Variants in IFT172 observed in about 807,000 individuals in gnomAD.
The protein encoded by IFT172 is intraflagellar transport protein 172 homolog.
In IFT172, 164 loss-of-function variants were observed where a neutral mutation model predicts 248.9. The ratio of observed to expected loss-of-function variants is 0.66; its 90% CI spans 0.58 to 0.75. IFT172 has a LOEUF of 0.75. Among genes scored for constraint, IFT172 ranks in the 30% least tolerant of loss-of-function variants. IFT172 has a pLI of 0.00. For synonymous variants in IFT172, 729 were observed against 791.6 expected (o/e 0.92, Z 1.33); for missense variants, 1,950 against 2,192.4 (o/e 0.89, Z 2.21).
chr2:27,451,904 T>C (rs1364639331), intron 35 of IFT172, among the ~76,000 whole-genome samples: 1 of 151,984 alleles, frequency 6.6e-6, no homozygotes, highest in Non-Finnish European at 1.5e-5. Context: ...CACATTTCAC[T>C]GTATCTAAGG....
At position 27,489,681 on chromosome 2, in the gene IFT172, T is replaced by C. The variant is rs540112628; in HGVS notation, c.-28A>G. Reference sequence around the variant, plus strand: ...CGCACACCTGTCTTTCAGATGCTCCTAGACAGCGACAACTCCCGTGGTTAC... The same window carrying C: ...CGCACACCTGTCTTTCAGATGCTCCCAGACAGCGACAACTCCCGTGGTTAC... On this transcript the variant is annotated 5_prime_UTR_variant, in exon 1 of 48. Coordinates refer to ENST00000260570, the MANE Select transcript of IFT172 (RefSeq NM_015662.3). 52 of 1,593,384 alleles carry C rather than the reference T, an allele frequency of 3.3e-5. 1 individual carries two copies. Among genetic ancestry groups the C allele is most frequent in the African/African-American group, 1.9e-4 (14 of 74,478 alleles).
intron 1 of IFT172, among the ~76,000 whole-genome samples, chr2:27,488,052 G>A (rs1443580638): frequency 6.6e-6 from 1 of 152,094 alleles, no homozygotes; most frequent in Non-Finnish European, 1.5e-5. Context: ...GTGTGATCAC[G>A]TCTCACTGCA....
chr2:27,445,070 G>C lies in IFT172; in HGVS notation c.5104C>G (p.Arg1702Gly). The C allele has an allele frequency of 6.2e-7, 1 of 1,613,972 alleles. No homozygotes were observed. Among genetic ancestry groups the C allele is most frequent in the East Asian group, 2.2e-5 (1 of 44,884 alleles). Residue 1702 changes from arginine (R) to glycine (G), a missense_variant, in exon 47 of 48, where the codon CGG becomes GGG. Coordinates refer to ENST00000260570, the MANE Select transcript of IFT172 (RefSeq NM_015662.3). The surrounding 1 kb of genome is among the most constrained non-coding windows in gnomAD (Gnocchi z 4.4). ...PILRNKIEFK[R>G]PGKAANKDNW... ...TCCTTGTTAGCAGCCTTCCCTGGCC[G>C]CTTAAATTCAATTTTGTTCCTCAGA...
In IFT172 at chr2:27,489,720, C is replaced by A. The variant is rs1669041835; in HGVS notation, c.-67G>T. 1 of 1,273,520 alleles carries A rather than the reference C, an allele frequency of 7.9e-7. No individual in the cohort carries two copies. Among genetic ancestry groups the A allele is most frequent in the East Asian group, 2.4e-5 (1 of 42,046 alleles). 78.9% of individuals were successfully genotyped at this position (1,273,520 alleles called of 1,614,324 possible). ...TCCCGTGGTTACCTGGACAACCCGCCACGCAGCCGCAGCGACAGGCACTGA... is the reference window on the plus strand; with the variant it reads ...TCCCGTGGTTACCTGGACAACCCGCAACGCAGCCGCAGCGACAGGCACTGA... On this transcript the variant is annotated 5_prime_UTR_variant, in exon 1 of 48. Transcript: ENST00000260570.
At position 27,453,649 on chromosome 2, in the gene IFT172, C is replaced by G. The variant is rs749289347; in HGVS notation, c.3802G>C (p.Ala1268Pro). ...EALQEEYERE[A>P]TKKGARGVEG... ...TCATACCTGGCCCCCTTCTTAGTAG[C>G]TTCCCGCTCATATTCTTCCTGCAGA... is the stretch of plus-strand genomic sequence containing the variant. Residue 1268 changes from alanine to proline, a missense_variant, in exon 34 of 48, where the codon GCT (alanine) becomes CCT (proline). Physicochemically the swap from Ala to Pro is conservative, Grantham distance 27. Transcript: ENST00000260570. 1.9e-6 allele frequency: 3 copies of G among 1,612,072 alleles called. No individual in the cohort carries two copies. Among genetic ancestry groups the G allele is most frequent in the Non-Finnish European group, 2.5e-6 (3 of 1,179,230 alleles).
chr2:27,470,890 T>C, intron 16 of IFT172, 38 bp downstream of exon 16: 3 of 1,535,922 alleles, frequency 2.0e-6, no homozygotes, highest in Non-Finnish European at 2.6e-6. Flanking sequence ...ATTAATCAGC[T>C]CAATACCACA....
chr2:27,488,850 C>G (rs796814459), intron 1 of IFT172, among the ~76,000 whole-genome samples: 15 of 152,250 alleles, frequency 9.9e-5, no homozygotes, highest in African/African-American at 3.6e-4. Flanking sequence ...GAAACCTCGT[C>G]TCTACAAAAA....
rs373421077 is a variant in IFT172 at position 27,445,125 on chromosome 2, G to A, written c.5069-20C>T. Reference sequence around the variant, plus strand: ...GGTATCCTGTGGAGGAAGAAAAAATGATGAACTGGGGTTTGAGAGAGATTG... The same window carrying A: ...GGTATCCTGTGGAGGAAGAAAAAATAATGAACTGGGGTTTGAGAGAGATTG... On this transcript the variant is annotated intron_variant, in intron 46 of 47. Coordinates refer to ENST00000260570, the MANE Select transcript of IFT172 (RefSeq NM_015662.3). This position sits in a 1 kb window ranked among gnomAD's most constrained non-coding sequence, Gnocchi z 4.4. 52 of 1,613,252 alleles carry A rather than the reference G, an allele frequency of 3.2e-5. No individual in the cohort carries two copies. The highest frequency in any genetic ancestry group is 4.3e-5 in the Non-Finnish European group (51 of 1,179,730).
At chr2:27,480,209 G>C (rs564641991) in intron 8 of IFT172, 60 bp from the exon 9 acceptor site, 1 of 1,535,860 alleles carries the variant, frequency 6.5e-7, no homozygotes, top group Non-Finnish European at 8.7e-7. Context: ...GTGCAAATGG[G>C]CTGATAACCA....
In IFT172 at chr2:27,477,951, C is replaced by T. The variant is rs758444275; in HGVS notation, c.1167+44G>A. ...TTTTGGGTCCCCACAAATATTAAGC[C>T]AAGATGCCCTATTCCCCACCCTACC... On this transcript the variant is annotated intron_variant, in intron 11 of 47. Coordinates refer to ENST00000260570, the MANE Select transcript of IFT172 (RefSeq NM_015662.3). 29 of 1,609,446 alleles carry T rather than the reference C, an allele frequency of 1.8e-5. No individual in the cohort carries two copies. In the Middle Eastern group the frequency reaches 5.1e-4, roughly 28 times the overall value.
intron 15 of IFT172, chr2:27,471,305 C>T (rs1215277740): frequency 1.6e-5 from 7 of 424,312 alleles, no homozygotes; most frequent in African/African-American, 1.2e-4. Context: ...AGATCTACAT[C>T]CCAGGAATTT....
chr2:27,471,034 A>G lies in IFT172; in HGVS notation c.1586T>C (p.Met529Thr). ...KTMILNFCSY[M>T]QWVPGSDVLV... is the part of the protein sequence containing the mutation. ...CACGTCACTTCCTGGGACCCACTGC[A>G]TATAGGAGCAGAAGTTGAGGATCAT... The change falls in exon 16 of 48, where the codon ATG becomes ACG. Residue 529 changes from methionine (M) to threonine (T), a missense_variant. Transcript: ENST00000260570. 1 of 1,613,986 alleles carries G rather than the reference A, an allele frequency of 6.2e-7. No homozygotes were observed. The highest frequency in any genetic ancestry group is 1.1e-5 in the South Asian group (1 of 91,040).
In IFT172 at chr2:27,450,010, T is replaced by C. The variant is rs763200854; in HGVS notation, c.4038A>G (p.Gly1346=). 5.6e-6 allele frequency: 9 copies of C among 1,613,666 alleles called. No individual in the cohort carries two copies. Among genetic ancestry groups the C allele is most frequent in the Non-Finnish European group, 7.6e-6 (9 of 1,179,532 alleles). ...GCATCCTACTTACTGCACTGTGCTT[T>C]CCAATTCCAATCAGCTGGGGTCCTA... The part of the protein sequence containing the change: ...LAVGPQLIGI[G]KHSAAAELYL... The change falls in exon 36 of 48, where the codon GGA becomes GGG. Residue 1346 remains glycine, a synonymous_variant. Transcript: ENST00000260570.
At chr2:27,484,610 A>C (rs941958298) in intron 3 of IFT172, among the ~76,000 whole-genome samples, 3 of 152,094 alleles carry the variant, frequency 2.0e-5, no homozygotes, top group African/African-American at 7.2e-5. Context: ...AAATAAATAA[A>C]TACCACTTCC....
chr2:27,444,919 G>A (rs1664912275), intron 47 of IFT172, 95 bp downstream of exon 47: 1 of 1,364,902 alleles, frequency 7.3e-7, no homozygotes, highest in African/African-American at 1.5e-5. Flanking sequence ...AAAGTGCTGG[G>A]ATTAAAGGTA....
rs1291146713 is a variant in IFT172, at chr2:27,479,567, C to T, written c.947G>A (p.Cys316Tyr). 1 of 1,613,446 alleles carries T rather than the reference C, an allele frequency of 6.2e-7. No homozygotes were observed. The highest frequency in any genetic ancestry group is 1.1e-5 in the South Asian group (1 of 91,074). Residue 316 changes from cysteine (C) to tyrosine (Y), a missense_variant, in exon 10 of 48, where the codon TGC becomes TAC. Cys to Tyr is a radical substitution (Grantham distance 194). Transcript: ENST00000260570. ...GTTCTTGTAAATACTCCTTCGGAGG[C>T]AGCAGTCAAACTGTTCCACCCCACC... Reference protein sequence around the residue: ...LCGGVEQFDCCLRRSIYKNKF... With the variant: ...LCGGVEQFDCYLRRSIYKNKF...
chr2:27,489,297 G>C (rs1320943179), intron 1 of IFT172, among the ~76,000 whole-genome samples: 1 of 152,144 alleles, frequency 6.6e-6, no homozygotes, highest in Non-Finnish European at 1.5e-5. Flanking sequence ...ATGCATACTC[G>C]CTGCTTACAT....
At chr2:27,451,565 C>T (rs2148482220) in intron 35 of IFT172, among the ~76,000 whole-genome samples, 1 of 152,168 alleles carries the variant, frequency 6.6e-6, no homozygotes, top group Admixed American at 6.5e-5. Flanking sequence ...AGATGGAGAC[C>T]ATCCTGGCTA....
In IFT172 at chr2:27,477,311, T is replaced by A. The variant is rs776747406; in HGVS notation, c.1231A>T (p.Ile411Phe). 1 of 1,613,912 alleles carries A rather than the reference T, an allele frequency of 6.2e-7. No homozygotes were observed. Among genetic ancestry groups the A allele is most frequent in the South Asian group, 1.1e-5 (1 of 91,086 alleles). Reference sequence around the variant, plus strand: ...AGGGTTAGCTCTCCGGCATTGAAGATCATGCATACCTGGGAAAAATGGAGT... The same window carrying A: ...AGGGTTAGCTCTCCGGCATTGAAGAACATGCATACCTGGGAAAAATGGAGT... The part of the protein sequence containing the change: ...YFFENENVCM[I>F]FNAGELTLVE... Residue 411 changes from isoleucine (I) to phenylalanine (F), a missense_variant, in exon 13 of 48, where the codon ATC becomes TTC. Physicochemically the swap from Ile to Phe is conservative, Grantham distance 21 (BLOSUM62 0). This residue lies in a region of IFT172 where 1,166 missense variants were observed against 1,254.1 expected (regional missense o/e 0.93). Transcript: ENST00000260570.
Sources: gnomAD v4.1 joint callset for allele counts (sites outside exome capture counted in the v4.1 genomes callset) on GRCh38, gnomAD v4.1.1 for gene constraint, gnomAD v4.1.1 regional missense constraint, Gnocchi (gnomAD v3.1) non-coding constraint, MANE v1.5 for transcripts, NCBI Gene and HGNC (gene_info 2026-07-23, HGNC 2026-07-21) for gene names.